Variants in NSUN6 observed in about 807,000 individuals in gnomAD.
NSUN6 encodes the protein tRNA (cytosine(72)-C(5))-methyltransferase NSUN6.
In NSUN6, 64 loss-of-function variants were observed where a neutral mutation model predicts 58.0. The observed-to-expected ratio is 1.10, with a 90% CI of 0.90 to 1.36. NSUN6 has a LOEUF of 1.36. NSUN6 is among the 40% of genes most tolerant of loss of function. The pLI is 0.00. For missense variants in NSUN6, 701 were observed against 550.1 expected (o/e 1.27, Z -2.74); for synonymous variants, 231 against 193.9 (o/e 1.19, Z -1.59).
At chr10:18,597,776 A>G (rs2057650483) in intron 6 of NSUN6, among the ~76,000 whole-genome samples, 1 of 152,118 alleles carries the variant, frequency 6.6e-6, no homozygotes, top group Admixed American at 6.6e-5. Context: ...AAAAATAAAT[A>G]AATAAATAAA....
intron 3 of NSUN6, among the ~76,000 whole-genome samples, chr10:18,635,602 CA>C (rs1356657424): frequency 6.6e-6 from 1 of 152,058 alleles, no homozygotes; most frequent in Non-Finnish European, 1.5e-5. Context: ...TTTGGGAAGC[CA>C]AGGTGGGTGG....
At chr10:18,557,920 G>T (rs777312600) in intron 8 of NSUN6, among the ~76,000 whole-genome samples, 1 of 151,630 alleles carries the variant, frequency 6.6e-6, no homozygotes, top group Non-Finnish European at 1.5e-5. Context: ...GAATGGTGTG[G>T]AATGGAAGGG....
chr10:18,600,938 A>AT (rs2057781546), intron 6 of NSUN6, among the ~76,000 whole-genome samples: 2 of 92,392 alleles, frequency 2.2e-5, no homozygotes, highest in Non-Finnish European at 4.0e-5. Flanking sequence ...AAAAAAAAAA[A>AT]AAAATATATA....
intron 3 of NSUN6, among the ~76,000 whole-genome samples, chr10:18,631,187 T>G (rs1359370286): frequency 1.3e-5 from 2 of 152,096 alleles, no homozygotes; most frequent in Non-Finnish European, 2.9e-5. Context: ...GAAAAGGCCT[T>G]TGACAAAATT....
intron 8 of NSUN6, among the ~76,000 whole-genome samples, chr10:18,584,426 T>A (rs2057038651): frequency 6.6e-6 from 1 of 152,186 alleles, no homozygotes; most frequent in South Asian, 2.1e-4. Context: ...ACCTTATTCT[T>A]GTTAATCAGA....
intron 6 of NSUN6, among the ~76,000 whole-genome samples, chr10:18,597,321 A>G (rs1457544089): frequency 6.6e-6 from 1 of 152,186 alleles, no homozygotes; most frequent in Non-Finnish European, 1.5e-5. Flanking sequence ...ATAAGCATGG[A>G]GTTACTTGTT....
At chr10:18,595,826 T>C (rs887783434) in intron 7 of NSUN6, among the ~76,000 whole-genome samples, 2 of 152,208 alleles carry the variant, frequency 1.3e-5, no homozygotes, top group Non-Finnish European at 2.9e-5. Context: ...ACTATGTTTA[T>C]ATATTTTAAC....
intron 8 of NSUN6, among the ~76,000 whole-genome samples, chr10:18,585,739 G>T (rs1305309503): frequency 6.6e-6 from 1 of 152,174 alleles, no homozygotes; most frequent in Non-Finnish European, 1.5e-5. Context: ...TGCACAGCAT[G>T]GTGACTATAC....
At position 18,620,677 on chromosome 10, in the gene NSUN6, T is replaced by C. The variant is rs530753653; in HGVS notation, c.312-4384A>G. Among the ~76,000 whole-genome samples the C allele has an allele frequency of 2.0e-5, 3 of 152,336 alleles. No homozygotes were observed. In the South Asian group the frequency reaches 6.2e-4, roughly 32 times the overall value. On this transcript the variant is annotated intron_variant, in intron 3 of 10. Coordinates refer to ENST00000377304, the MANE Select transcript of NSUN6 (RefSeq NM_182543.5). ...AGACTCAAATGAAATAATATCTGCT[T>C]AGAGAAAATATTTAACAATTTCTTT...
At chr10:18,566,003 C>T (rs1483499487) in intron 8 of NSUN6, among the ~76,000 whole-genome samples, 1 of 94,572 alleles carries the variant, frequency 1.1e-5, no homozygotes, top group African/African-American at 3.4e-5. Context: ...CATTACAATC[C>T]CCATTCCATT....
At chr10:18,571,311 C>T (rs1241190529) in intron 8 of NSUN6, among the ~76,000 whole-genome samples, 1 of 151,182 alleles carries the variant, frequency 6.6e-6, no homozygotes, top group Non-Finnish European at 1.5e-5. Context: ...CCATTCCATT[C>T]CCTTCTTTTC....
In NSUN6 at chr10:18,548,140, T is replaced by C. The variant is rs1195304264; in HGVS notation, c.1169A>G (p.Lys390Arg). The change falls in exon 10 of 11, where the codon AAA becomes AGA. Residue 390 changes from lysine (K) to arginine (R), a missense_variant. By Grantham distance (26) the Lys-to-Arg change is conservative. Coordinates refer to ENST00000377304, the MANE Select transcript of NSUN6 (RefSeq NM_182543.5). ...NEEQVAWALT[K>R]FPCLQLQPQE... is the part of the protein sequence containing the mutation. ...GGGCTGAAGCTGAAGGCAAGGAAAT[T>C]TTGTCAGGGCCCAGGCAACCTGTTC... 6.2e-7 allele frequency: 1 copy of C among 1,613,846 alleles called. No homozygotes were observed. The highest frequency in any genetic ancestry group is 8.5e-7 in the Non-Finnish European group (1 of 1,179,898).
chr10:18,584,546 T>TTAA (rs1478751777), intron 8 of NSUN6, among the ~76,000 whole-genome samples: 3 of 152,146 alleles, frequency 2.0e-5, no homozygotes, highest in Non-Finnish European at 4.4e-5. Context: ...TGTGACATTA[T>TTAA]TAAGACAACT....
At chr10:18,574,402 A>T (rs1455545827) in intron 8 of NSUN6, among the ~76,000 whole-genome samples, 1 of 152,142 alleles carries the variant, frequency 6.6e-6, no homozygotes, top group Non-Finnish European at 1.5e-5. Context: ...CACTCAACCC[A>T]GCAGGTTTCC....
chr10:18,641,369 CTTTT>C (rs112028728), intron 3 of NSUN6, among the ~76,000 whole-genome samples: 1 of 141,790 alleles, frequency 7.1e-6, no homozygotes, highest in Non-Finnish European at 1.5e-5. Context: ...CTTATTTTTC[CTTTT>C]TTTTTTTTTT....
At chr10:18,580,888 G>C (rs1461057900) in intron 8 of NSUN6, among the ~76,000 whole-genome samples, 1 of 152,178 alleles carries the variant, frequency 6.6e-6, no homozygotes, top group Non-Finnish European at 1.5e-5. Flanking sequence ...GGGGCACAAG[G>C]CAGAGTGATC....
intron 7 of NSUN6, among the ~76,000 whole-genome samples, chr10:18,588,913 A>G (rs994852649): frequency 6.6e-6 from 1 of 152,204 alleles, no homozygotes; most frequent in East Asian, 1.9e-4. Context: ...TGGACAGGGA[A>G]TGAGACTGAC....
chr10:18,573,335 C>T (rs192248190), intron 8 of NSUN6, among the ~76,000 whole-genome samples: 2 of 150,608 alleles, frequency 1.3e-5, no homozygotes, highest in African/African-American at 4.9e-5. Flanking sequence ...CATTCCATTA[C>T]CCATTCCTTT....
At chr10:18,567,206 T>G (rs117956847) in intron 8 of NSUN6, among the ~76,000 whole-genome samples, 7,322 of 151,088 alleles carry the variant, frequency 0.048, 268 homozygotes, top group Non-Finnish European at 0.077. Context: ...TATTCATCAC[T>G]GTATTCCATT....
Sources: allele counts gnomAD v4.1 joint callset (sites outside exome capture counted in the v4.1 genomes callset), GRCh38; gene constraint gnomAD v4.1.1; transcripts MANE v1.5; gene names NCBI Gene and HGNC (gene_info 2026-07-23, HGNC 2026-07-21).